ERICH6: variants seen among roughly 807,000 people sequenced by gnomAD.
ERICH6 encodes the protein glutamate-rich protein 6.
In ERICH6, 71 loss-of-function variants were observed where a neutral mutation model predicts 71.0. That is an observed-to-expected ratio of 1.00 (90% CI 0.83 to 1.22). The LOEUF (loss-of-function observed/expected upper bound fraction) is 1.22. Ranked by LOEUF, ERICH6 falls within the 50% of genes most tolerant of loss-of-function variation. The pLI, the probability that ERICH6 is intolerant of heterozygous loss-of-function variation, is 0.00. For missense variants in ERICH6, 808 were observed against 797.2 expected (o/e 1.01, Z -0.16); for synonymous variants, 262 against 278.4 (o/e 0.94, Z 0.59).
At chr3:150,697,802 G>A (rs1712708455) in intron 3 of ERICH6, among the ~76,000 whole-genome samples, 1 of 152,114 alleles carries the variant, frequency 6.6e-6, no homozygotes, top group South Asian at 2.1e-4. Context: ...TCACTTCTCT[G>A]CACAAATTCT....
At chr3:150,684,371 T>C (rs996274464) in intron 6 of ERICH6, among the ~76,000 whole-genome samples, 9 of 152,222 alleles carry the variant, frequency 5.9e-5, no homozygotes, top group Non-Finnish European at 1.0e-4. Context: ...CTAGATTGCA[T>C]AGCTCAAAGT....
chr3:150,692,290 T>A (rs375149838), intron 3 of ERICH6, among the ~76,000 whole-genome samples: 114 of 152,306 alleles, frequency 7.5e-4, no homozygotes, highest in African/African-American at 2.5e-3. Context: ...GGAAATTAAG[T>A]CTCCTCTCTC....
At chr3:150,685,699 C>A (rs1296888789) in intron 6 of ERICH6, 43 bp downstream of exon 6, 2 of 1,414,944 alleles carry the variant, frequency 1.4e-6, no homozygotes, top group Non-Finnish European at 2.0e-6. Flanking sequence ...TTTCTTATGT[C>A]ATTTTTTTAA....
intron 10 of ERICH6, among the ~76,000 whole-genome samples, chr3:150,676,474 T>A (rs1711660767): frequency 6.6e-6 from 1 of 152,230 alleles, no homozygotes; most frequent in Non-Finnish European, 1.5e-5. Flanking sequence ...AGTTGTATTG[T>A]TAAGTTTTCT....
intron 11 of ERICH6, 119 bp downstream of exon 11, chr3:150,673,837 T>C: frequency 1.2e-6 from 1 of 866,534 alleles, no homozygotes; most frequent in Non-Finnish European, 1.8e-6. Flanking sequence ...CACCTCAGCC[T>C]CCCAAAGTGC....
At chr3:150,686,927 T>C (rs1712215770) in intron 3 of ERICH6, among the ~76,000 whole-genome samples, 1 of 152,148 alleles carries the variant, frequency 6.6e-6, no homozygotes, top group South Asian at 2.1e-4. Flanking sequence ...TCCCAGCACT[T>C]TGGGAGGCCA....
Position 150,700,143 on chromosome 3 carries a change from T to C in ERICH6, c.462-1261A>G, listed in dbSNP as rs540673295. On this transcript the variant is annotated intron_variant, in intron 2 of 13. Transcript: ENST00000295910. ...AGGCTGGAGTGCAGTGGTGCGATCT[T>C]GGCTCACTGCAAGCACTTCCTCCAA... 2.0e-5 allele frequency among the ~76,000 whole-genome samples: 3 copies of C among 151,618 alleles called. No homozygotes were observed. The East Asian group carries it at 5.9e-4, about 30-fold the overall frequency.
At chr3:150,700,241 A>ATTTTTTTTTT (rs34624356) in intron 2 of ERICH6, among the ~76,000 whole-genome samples, 417 of 110,846 alleles carry the variant, frequency 3.8e-3, no homozygotes, top group African/African-American at 7.8e-3. Context: ...TGCCCGGCTA[A>ATTTTTTTTTT]TTTTTTTTTT....
Position 150,700,687 on chromosome 3 carries a change from G to A in ERICH6, c.461+1434C>T, listed in dbSNP as rs565757518. On this transcript the variant is annotated intron_variant, in intron 2 of 13. Transcript: ENST00000295910. ...CAACCTCCACCTCCTGGGTTCAAGC[G>A]ATTCTCCTGCCTCAGCCTCCCAAGT... Among the ~76,000 whole-genome samples the A allele has an allele frequency of 2.0e-4, 30 of 151,682 alleles. 1 individual carries two copies. In the South Asian group the frequency reaches 5.0e-3, roughly 25 times the overall value.
intron 2 of ERICH6, among the ~76,000 whole-genome samples, chr3:150,700,246 T>TC (rs1448225466): frequency 2.0e-5 from 3 of 146,538 alleles, no homozygotes; most frequent in African/African-American, 7.7e-5. Flanking sequence ...GGCTAATTTT[T>TC]TTTTTTTTTT....
rs530142498 is a variant in ERICH6, at chr3:150,682,409, T to G, written c.784-93A>C. ...GGAGCACGACCCTGGGCATGGTCAGTGAATGGAACAGCAGTGGTGATGAGA... is the reference window on the plus strand; with the variant it reads ...GGAGCACGACCCTGGGCATGGTCAGGGAATGGAACAGCAGTGGTGATGAGA... On this transcript the variant is annotated intron_variant, in intron 6 of 13. Coordinates refer to ENST00000295910, the MANE Select transcript of ERICH6 (RefSeq NM_152394.5). 6 of 857,158 alleles carry G rather than the reference T, an allele frequency of 7.0e-6. No homozygotes were observed. The East Asian group carries it at 1.2e-4, about 18-fold the overall frequency. The allele number at this position is 857,158 out of a possible 1,614,324, so 53.1% of individuals were successfully genotyped here.
chr3:150,678,446 G>C lies in ERICH6; in HGVS notation c.1220C>G (p.Ser407Cys). ...TATCCGAGAATCACAACAAATGATAGACATGTTACTGTTTCTTAGTTGAAA... is the reference window on the plus strand; with the variant it reads ...TATCCGAGAATCACAACAAATGATACACATGTTACTGTTTCTTAGTTGAAA... ...FDFQLRNSNM[S>C]IICCDSRIAC... Residue 407 changes from serine (S) to cysteine (C), a missense_variant, in exon 10 of 14, where the codon TCT becomes TGT. Coordinates refer to ENST00000295910, the MANE Select transcript of ERICH6 (RefSeq NM_152394.5). The C allele has an allele frequency of 6.3e-7, 1 of 1,597,534 alleles. No homozygotes were observed. The highest frequency in any genetic ancestry group is 8.5e-7 in the Non-Finnish European group (1 of 1,175,310).
chr3:150,679,628 A>G (rs1380970787), intron 9 of ERICH6, among the ~76,000 whole-genome samples: 1 of 152,124 alleles, frequency 6.6e-6, no homozygotes, highest in Admixed American at 6.5e-5. Context: ...TGGTGAGCCA[A>G]CTTATACGAC....
At chr3:150,667,424 T>G (rs1287078710) in intron 12 of ERICH6, among the ~76,000 whole-genome samples, 1 of 152,172 alleles carries the variant, frequency 6.6e-6, no homozygotes, top group Non-Finnish European at 1.5e-5. Context: ...AAGGCTGTGT[T>G]GACCTCAGTA....
At chr3:150,686,162 G>T (rs928797334) in intron 4 of ERICH6, 136 bp downstream of exon 4, 1 of 1,238,904 alleles carries the variant, frequency 8.1e-7, no homozygotes, top group Admixed American at 1.8e-5. Context: ...GATCCCTGAC[G>T]TTTTCGCCAC....
At chr3:150,673,890 C>T (rs1055955031) in intron 11 of ERICH6, 66 bp downstream of exon 11, 2 of 1,515,686 alleles carry the variant, frequency 1.3e-6, no homozygotes, top group Non-Finnish European at 1.8e-6. Context: ...CATGTATTTC[C>T]TTCCTTGAGC....
chr3:150,699,723 C>CA (rs146953448), intron 2 of ERICH6, among the ~76,000 whole-genome samples: 33,862 of 136,530 alleles, frequency 0.25, 4,145 homozygotes, highest in African/African-American at 0.31. Flanking sequence ...GAGATAAAAA[C>CA]AAAAAAAAAA....
At chr3:150,701,402 G>T (rs1440805207) in intron 2 of ERICH6, among the ~76,000 whole-genome samples, 2 of 152,202 alleles carry the variant, frequency 1.3e-5, no homozygotes, top group Non-Finnish European at 2.9e-5. Flanking sequence ...AACTGAAGGT[G>T]AGTGGGAGTG....
In ERICH6 at chr3:150,680,824, G is replaced by A. The variant is rs1469475649; in HGVS notation, c.989C>T (p.Ala330Val). Residue 330 changes from alanine to valine, a missense_variant, in exon 8 of 14, where the codon GCC becomes GTC. Around this residue, in one of 3 missense-constraint regions of ERICH6, gnomAD observed 736 missense variants for 712.2 expected, o/e 1.03. Coordinates refer to ENST00000295910, the MANE Select transcript of ERICH6 (RefSeq NM_152394.5). ...GAGTCTGTCGACCTCACTACCATGG[G>A]CTGCATGAGGGTCAATAGCAATTAA... ...AELIAIDPHA[A>V]HGSEVDRLKA... 1.9e-6 allele frequency: 3 copies of A among 1,613,850 alleles called. No homozygotes were observed. The highest frequency in any genetic ancestry group is 1.1e-5 in the South Asian group (1 of 91,062).
Sources: allele counts gnomAD v4.1 joint callset (sites outside exome capture counted in the v4.1 genomes callset), GRCh38; gene constraint gnomAD v4.1.1; regional missense constraint gnomAD v4.1.1; transcripts MANE v1.5; gene names NCBI Gene and HGNC (gene_info 2026-07-23, HGNC 2026-07-21).